GRIP1: variants seen among roughly 807,000 people sequenced by gnomAD.
GRIP1 encodes the protein glutamate receptor interacting protein 1, also known as glutamate receptor-interacting protein 1.
Under a neutral mutation model 129.9 loss-of-function variants are expected in GRIP1, and 45 were observed. The observed-to-expected ratio is 0.35, with a 90% confidence interval of 0.27 to 0.44. GRIP1 has a LOEUF of 0.44. Among genes scored for constraint, GRIP1 ranks in the 20% least tolerant of loss-of-function variants. GRIP1 has a pLI of 1.00. For missense variants in GRIP1, 1,196 were observed against 1,396.8 expected (o/e 0.86, Z 2.29); for synonymous variants, 530 against 520.8 (o/e 1.02, Z -0.24).
intron 1 of GRIP1, among the ~76,000 whole-genome samples, chr12:66,622,250 A>G (rs2065301168): frequency 6.6e-6 from 1 of 152,130 alleles, no homozygotes; most frequent in Non-Finnish European, 1.5e-5. Context: ...TTTTGCCCCA[A>G]ATAAATTCCA....
At chr12:66,397,341 C>T (rs1205183735) in intron 16 of GRIP1, among the ~76,000 whole-genome samples, 1 of 151,752 alleles carries the variant, frequency 6.6e-6, no homozygotes, top group East Asian at 1.9e-4. Context: ...TCCAAAACCC[C>T]GTCTCTACTA....
chr12:66,528,259 T>C (rs965316823), intron 5 of GRIP1, among the ~76,000 whole-genome samples: 13 of 150,848 alleles, frequency 8.6e-5, no homozygotes, highest in Non-Finnish European at 1.6e-4. Flanking sequence ...CTCAGCCTCC[T>C]GAGTAGCTGG....
rs1565887696 is a variant in GRIP1 at position 66,585,964 on chromosome 12, C to T, written c.136+10883G>A. 3.9e-5 allele frequency among the ~76,000 whole-genome samples: 6 copies of T among 152,270 alleles called. No homozygotes were observed. The South Asian group carries it at 1.2e-3, about 32-fold the overall frequency. ...GCTTTTGCTTTTATCCCCTCTTCCT[C>T]CTGCACGATTTTCTCTCATTCCACT... On this transcript the variant is annotated intron_variant, in intron 2 of 24. Coordinates refer to ENST00000359742, the MANE Select transcript of GRIP1 (RefSeq NM_001366722.1).
At chr12:66,890,016 A>T (rs1483802352) in intron 1 of GRIP1, among the ~76,000 whole-genome samples, 3 of 151,616 alleles carry the variant, frequency 2.0e-5, no homozygotes, top group Non-Finnish European at 4.4e-5. Context: ...TGTAGCCTTG[A>T]CCTCCCAGGC....
intron 4 of GRIP1, among the ~76,000 whole-genome samples, chr12:66,530,237 T>C (rs1466865298): frequency 1.3e-5 from 2 of 152,254 alleles, no homozygotes; most frequent in Admixed American, 6.5e-5. Flanking sequence ...ACAATATTTA[T>C]ATAAGTAGAA....
chr12:66,369,722 G>T (rs1231193895), intron 23 of GRIP1, among the ~76,000 whole-genome samples: 1 of 152,098 alleles, frequency 6.6e-6, no homozygotes, highest in Non-Finnish European at 1.5e-5. Context: ...AGAGGGGAAG[G>T]CAGTGTTCAC....
intron 1 of GRIP1, among the ~76,000 whole-genome samples, chr12:66,656,348 T>TA (rs942539930): frequency 1.8e-4 from 28 of 151,410 alleles, no homozygotes; most frequent in African/African-American, 3.4e-4. Context: ...TTTCCCATTT[T>TA]AAAAAAAAAC....
intron 1 of GRIP1, among the ~76,000 whole-genome samples, chr12:67,016,213 A>C (rs2042784241): frequency 6.6e-6 from 1 of 152,158 alleles, no homozygotes. Context: ...CCTTTCTCTA[A>C]AAAAGATAGA....
At chr12:66,601,815 G>A (rs140479101) in intron 1 of GRIP1, among the ~76,000 whole-genome samples, 13 of 152,266 alleles carry the variant, frequency 8.5e-5, no homozygotes, top group African/African-American at 3.1e-4. Flanking sequence ...ATCCGCTGTG[G>A]ATGAAACAAT....
chr12:66,354,213 G>A (rs558219528), intron 23 of GRIP1, among the ~76,000 whole-genome samples: 9 of 152,172 alleles, frequency 5.9e-5, no homozygotes, highest in South Asian at 4.1e-4. Flanking sequence ...TGAGTGCTGC[G>A]GCCTGCCCCC....
chr12:66,515,668 T>C lies in GRIP1; in HGVS notation c.675A>G (p.Gln225=), dbSNP rs377387894. The C allele has an allele frequency of 4.4e-5, 71 of 1,613,386 alleles. No homozygotes were observed. The highest frequency in any genetic ancestry group is 5.8e-5 in the Non-Finnish European group (68 of 1,179,484). ...THAEAMSILK[Q]CGQEAALLIE... Reference sequence around the variant, plus strand: ...TCAGCAGTGCTGCTTCTTGTCCACATTGTTTAAGAATACTCATGGCTTCAG... The same window carrying C: ...TCAGCAGTGCTGCTTCTTGTCCACACTGTTTAAGAATACTCATGGCTTCAG... The change falls in exon 7 of 25, where the codon CAA becomes CAG. Residue 225 remains glutamine (Q), a synonymous_variant. Coordinates refer to ENST00000359742, the MANE Select transcript of GRIP1 (RefSeq NM_001366722.1).
chr12:66,528,015 A>G (rs1251975498), intron 5 of GRIP1, among the ~76,000 whole-genome samples: 2 of 152,098 alleles, frequency 1.3e-5, no homozygotes, highest in Non-Finnish European at 2.9e-5. Context: ...ATAGCTCCCT[A>G]TTGAAGCTCA....
chr12:66,941,725 G>C (rs1054245235), intron 1 of GRIP1, among the ~76,000 whole-genome samples: 5 of 151,920 alleles, frequency 3.3e-5, no homozygotes, highest in Non-Finnish European at 5.9e-5. Flanking sequence ...ATCCAAAACA[G>C]GATCATAAAT....
chr12:66,739,710 G>A (rs756721250), intron 1 of GRIP1, among the ~76,000 whole-genome samples: 1 of 150,698 alleles, frequency 6.6e-6, no homozygotes, highest in Non-Finnish European at 1.5e-5. Context: ...AAACAAACCT[G>A]CACATCCTGC....
At chr12:66,425,468 A>G (rs2057949658) in intron 14 of GRIP1, among the ~76,000 whole-genome samples, 1 of 152,196 alleles carries the variant, frequency 6.6e-6, no homozygotes, top group South Asian at 2.1e-4. Flanking sequence ...CCATCCCATT[A>G]CTGGGTATAT....
chr12:66,893,736 T>C (rs368188480), intron 1 of GRIP1, among the ~76,000 whole-genome samples: 1 of 152,194 alleles, frequency 6.6e-6, no homozygotes, highest in Non-Finnish European at 1.5e-5. Context: ...AGCAATGTGA[T>C]TGCAGAGTCA....
intron 15 of GRIP1, among the ~76,000 whole-genome samples, chr12:66,420,075 T>C (rs2057750824): frequency 6.6e-6 from 1 of 152,136 alleles, no homozygotes; most frequent in Admixed American, 6.5e-5. Flanking sequence ...CCAGCGTGGG[T>C]GATACAGGTG....
At chr12:66,731,127 C>T (rs1328912814) in intron 1 of GRIP1, among the ~76,000 whole-genome samples, 1 of 151,948 alleles carries the variant, frequency 6.6e-6, no homozygotes, top group Non-Finnish European at 1.5e-5. Context: ...ATTTTCTCTG[C>T]CTGTGGATTT....
At chr12:66,643,183 GGA>G (rs1228479196) in intron 1 of GRIP1, among the ~76,000 whole-genome samples, 17 of 152,158 alleles carry the variant, frequency 1.1e-4, no homozygotes, top group Admixed American at 1.1e-3. Context: ...TGTCCTTTCT[GGA>G]AGACAGTTTA....
Sources: allele counts gnomAD v4.1 joint callset (sites outside exome capture counted in the v4.1 genomes callset), GRCh38; gene constraint gnomAD v4.1.1; transcripts MANE v1.5; gene names NCBI Gene and HGNC (gene_info 2026-07-23, HGNC 2026-07-21).